Variants in PPP3CA observed in about 807,000 individuals in gnomAD.
PPP3CA encodes protein phosphatase 3 catalytic subunit alpha.
In PPP3CA, 14 loss-of-function variants were observed where a neutral mutation model predicts 66.5. The observed-to-expected ratio is 0.21, with a 90% confidence interval of 0.14 to 0.33. The LOEUF (loss-of-function observed/expected upper bound fraction) is 0.33. Among genes scored for constraint, PPP3CA ranks in the 10% least tolerant of loss-of-function variants. The probability of loss-of-function intolerance (pLI) is 1.00; values close to 1 mark genes in which losing one functional copy is unlikely to be tolerated. For missense variants in PPP3CA, 317 were observed against 639.5 expected, an observed-to-expected ratio of 0.50 and a Z score of 5.44; for synonymous variants, 232 against 226.2, an observed-to-expected ratio of 1.03 and a Z score of -0.23.
chr4:101,055,387 T>C (rs1364950233), intron 10 of PPP3CA, among the ~76,000 whole-genome samples: 1 of 152,118 alleles, frequency 6.6e-6, no homozygotes, highest in Non-Finnish European at 1.5e-5. Context: ...ATAACAACCC[T>C]AAATTGAAAC....
At chr4:101,307,186 A>C (rs995819025) in intron 1 of PPP3CA, among the ~76,000 whole-genome samples, 9 of 151,628 alleles carry the variant, frequency 5.9e-5, no homozygotes, top group African/African-American at 1.2e-4. Context: ...AAAAAAAAAA[A>C]CAGATTCTGT....
intron 10 of PPP3CA, among the ~76,000 whole-genome samples, chr4:101,053,837 C>T (rs1363728243): frequency 1.3e-5 from 2 of 151,974 alleles, no homozygotes; most frequent in Admixed American, 6.6e-5. Flanking sequence ...GTCTTTTGAA[C>T]GGTTCCTTTT....
intron 1 of PPP3CA, among the ~76,000 whole-genome samples, chr4:101,324,154 G>GAAGGGAGGAAGGA (rs1729131283): frequency 1.5e-5 from 1 of 66,414 alleles, no homozygotes; most frequent in African/African-American, 5.0e-5. Context: ...GGAAGGGAGG[G>GAAGGGAGGAAGGA]AGGAAGGAAG....
chr4:101,043,328 T>C (rs1012869362), intron 10 of PPP3CA, among the ~76,000 whole-genome samples: 3 of 152,110 alleles, frequency 2.0e-5, no homozygotes, highest in African/African-American at 7.2e-5. Context: ...AAATAAATTA[T>C]GTAAAGCTGT....
intron 2 of PPP3CA, among the ~76,000 whole-genome samples, chr4:101,118,548 T>C (rs1721921035): frequency 2.0e-5 from 3 of 152,112 alleles, no homozygotes. Context: ...ATTATCATCA[T>C]AATTGCTGTT....
Position 101,149,630 on chromosome 4 carries a change from C to T in PPP3CA, c.260-40552G>A, listed in dbSNP as rs191314876. Among the ~76,000 whole-genome samples the T allele has an allele frequency of 2.4e-3, 365 of 152,244 alleles. 1 individual carries two copies. Among genetic ancestry groups the T allele is most frequent in the African/African-American group, 8.7e-3 (360 of 41,568 alleles). Reference sequence around the variant, plus strand: ...TCTCAACTTAATGATTTTCTCTAACCAACAGTTGAGAACTGAGCAGTGCAA... The same window carrying T: ...TCTCAACTTAATGATTTTCTCTAACTAACAGTTGAGAACTGAGCAGTGCAA... On this transcript the variant is annotated intron_variant, in intron 2 of 13. Transcript: ENST00000394854.
intron 1 of PPP3CA, among the ~76,000 whole-genome samples, chr4:101,204,160 C>T (rs1304400385): frequency 6.6e-6 from 1 of 151,986 alleles, no homozygotes; most frequent in African/African-American, 2.4e-5. Flanking sequence ...TGCATGCCAC[C>T]ACACCTGACT....
chr4:101,124,797 A>AAGAAAGAG (rs1560614753), intron 2 of PPP3CA, among the ~76,000 whole-genome samples: 1 of 101,290 alleles, frequency 9.9e-6, no homozygotes, highest in Non-Finnish European at 2.0e-5. Flanking sequence ...GAAAGAAAGA[A>AAGAAAGAG]AGAGAAAACT....
At chr4:101,141,948 T>C (rs1578488643) in intron 2 of PPP3CA, among the ~76,000 whole-genome samples, 1 of 152,002 alleles carries the variant, frequency 6.6e-6, no homozygotes, top group South Asian at 2.1e-4. Flanking sequence ...TTCCACTTAG[T>C]TGCGGTACAA....
intron 10 of PPP3CA, among the ~76,000 whole-genome samples, chr4:101,052,937 A>G (rs1444056512): frequency 6.6e-6 from 1 of 151,906 alleles, no homozygotes; most frequent in Admixed American, 6.6e-5. Flanking sequence ...GCCTCCCCTA[A>G]ACACCTATAT....
chr4:101,134,453 A>G (rs943203596), intron 2 of PPP3CA, among the ~76,000 whole-genome samples: 1 of 152,262 alleles, frequency 6.6e-6, no homozygotes, highest in Non-Finnish European at 1.5e-5. Flanking sequence ...TTTCAAAAGA[A>G]GACATTTATG....
chr4:101,344,775 G>C (rs964100434), intron 1 of PPP3CA, among the ~76,000 whole-genome samples: 1 of 152,166 alleles, frequency 6.6e-6, no homozygotes, highest in South Asian at 2.1e-4. Context: ...CCTACATTAA[G>C]AATCCACATC....
intron 2 of PPP3CA, among the ~76,000 whole-genome samples, chr4:101,159,069 A>G (rs1381678360): frequency 6.6e-6 from 1 of 152,150 alleles, no homozygotes; most frequent in African/African-American, 2.4e-5. Context: ...TACTATTATT[A>G]CCTCCATTAT....
chr4:101,230,816 A>G (rs1725937691), intron 1 of PPP3CA, among the ~76,000 whole-genome samples: 1 of 151,698 alleles, frequency 6.6e-6, no homozygotes, highest in South Asian at 2.1e-4. Context: ...CCACTCCTAC[A>G]TCATACCTCT....
At chr4:101,141,853 T>C (rs903764576) in intron 2 of PPP3CA, among the ~76,000 whole-genome samples, 4 of 152,198 alleles carry the variant, frequency 2.6e-5, no homozygotes, top group Non-Finnish European at 5.9e-5. Context: ...AGTTTCTTAA[T>C]TGAGTGAACG....
intron 3 of PPP3CA, among the ~76,000 whole-genome samples, chr4:101,106,484 A>T (rs1368088393): frequency 1.4e-5 from 1 of 70,676 alleles, no homozygotes; most frequent in Non-Finnish European, 2.7e-5. Context: ...AGAAAAGAAA[A>T]GAAAAGAAAA....
At chr4:101,207,329 T>C (rs1344337144) in intron 1 of PPP3CA, among the ~76,000 whole-genome samples, 1 of 152,324 alleles carries the variant, frequency 6.6e-6, no homozygotes, top group Middle Eastern at 3.4e-3. Flanking sequence ...TAAAAAGACA[T>C]TTTTAATTGC....
chr4:101,176,718 G>C (rs920067770), intron 2 of PPP3CA, among the ~76,000 whole-genome samples: 41 of 152,132 alleles, frequency 2.7e-4, no homozygotes, highest in African/African-American at 8.9e-4. Flanking sequence ...AATCAAGATA[G>C]AGAAAATCAC....
chr4:101,084,052 T>C (rs948904782), intron 6 of PPP3CA, among the ~76,000 whole-genome samples: 2 of 152,182 alleles, frequency 1.3e-5, no homozygotes, highest in Non-Finnish European at 2.9e-5. Flanking sequence ...GAAAAACCTT[T>C]TACAGTCATT....
Sources: gnomAD v4.1 joint callset for allele counts (sites outside exome capture counted in the v4.1 genomes callset) on GRCh38, gnomAD v4.1.1 for gene constraint, MANE v1.5 for transcripts, NCBI Gene and HGNC (gene_info 2026-07-23, HGNC 2026-07-21) for gene names.